RGS10: variants seen among roughly 807,000 people sequenced by gnomAD.
RGS10 encodes the protein regulator of G-protein signalling 10.
A neutral mutation model predicts 23.5 loss-of-function variants in RGS10; 11 were observed. That is an observed-to-expected ratio of 0.47 (90% CI 0.29 to 0.77). RGS10 has a LOEUF of 0.77. Among genes scored for constraint, RGS10 ranks in the 30% least tolerant of loss-of-function variants. The pLI, the probability that RGS10 is intolerant of heterozygous loss-of-function variation, is 0.08. For missense variants in RGS10, 180 were observed against 226.3 expected (o/e 0.80, Z 1.31); for synonymous variants, 77 against 83.2 (o/e 0.92, Z 0.41).
At chr10:119,528,996 A>C (rs1305376371) in intron 1 of RGS10, among the ~76,000 whole-genome samples, 1 of 152,208 alleles carries the variant, frequency 6.6e-6, no homozygotes, top group African/African-American at 2.4e-5. Flanking sequence ...CACGACACTG[A>C]GAAGTCTCCT....
At chr10:119,501,958 C>T (rs1168214833) in intron 4 of RGS10, among the ~76,000 whole-genome samples, 5 of 151,996 alleles carry the variant, frequency 3.3e-5, no homozygotes, top group African/African-American at 1.2e-4. Flanking sequence ...TTTCTTTAAA[C>T]TGTTAAACTA....
In RGS10 at chr10:119,527,002, G is replaced by A. The variant is rs1011953342; in HGVS notation, c.168+304C>T. ...TTCACGTCAGAGAGACCCAGAGCTG[G>A]GAATTCCTCATACAGACTCCACCAA... On this transcript the variant is annotated intron_variant, in intron 2 of 4. Coordinates refer to ENST00000369103, the MANE Select transcript of RGS10 (RefSeq NM_001005339.2). This position sits in a 1 kb window ranked among gnomAD's most constrained non-coding sequence, Gnocchi z 4.2. 2.6e-5 allele frequency among the ~76,000 whole-genome samples: 4 copies of A among 151,880 alleles called. No individual in the cohort carries two copies. Among genetic ancestry groups the A allele is most frequent in the Admixed American group, 6.6e-5 (1 of 15,230 alleles).
chr10:119,510,114 C>T (rs988232780), intron 4 of RGS10, among the ~76,000 whole-genome samples: 3 of 152,134 alleles, frequency 2.0e-5, no homozygotes, highest in African/African-American at 4.8e-5. Context: ...TGGTATGGGA[C>T]GGGCACAGCC....
chr10:119,520,840 G>C lies in RGS10; in HGVS notation c.256-5188C>G, dbSNP rs1186800670. 2.0e-5 allele frequency among the ~76,000 whole-genome samples: 3 copies of C among 146,656 alleles called. No homozygotes were observed. In the East Asian group the frequency reaches 5.9e-4, roughly 29 times the overall value. On this transcript the variant is annotated intron_variant, in intron 3 of 4. Coordinates refer to ENST00000369103, the MANE Select transcript of RGS10 (RefSeq NM_001005339.2). ...AAAAAAAAAAATTAAAAAATAGGAA[G>C]AATAAAACATGAAATTAAGGGCTCA...
chr10:119,540,481 G>A (rs745594351), intron 1 of RGS10, among the ~76,000 whole-genome samples: 10 of 152,238 alleles, frequency 6.6e-5, no homozygotes, highest in Non-Finnish European at 1.0e-4. Flanking sequence ...GGAACTCCTG[G>A]GCTCAAGCAA....
intron 4 of RGS10, among the ~76,000 whole-genome samples, chr10:119,506,724 C>T (rs1244358292): frequency 6.6e-6 from 1 of 152,130 alleles, no homozygotes; most frequent in Admixed American, 6.5e-5. Flanking sequence ...TTTTTTGAGA[C>T]GGAGTCTCAC....
At chr10:119,520,753 A>T (rs1300222441) in intron 3 of RGS10, among the ~76,000 whole-genome samples, 3 of 152,036 alleles carry the variant, frequency 2.0e-5, no homozygotes, top group African/African-American at 7.2e-5. Context: ...GGAAAAATAA[A>T]AAAGCAGAAA....
intron 1 of RGS10, among the ~76,000 whole-genome samples, chr10:119,536,094 A>G (rs563948524): frequency 6.6e-6 from 1 of 152,360 alleles, no homozygotes; most frequent in Admixed American, 6.5e-5. Flanking sequence ...CGGCTCCAGT[A>G]TCTAGCTGCT....
At chr10:119,540,212 G>C (rs1844423935) in intron 1 of RGS10, among the ~76,000 whole-genome samples, 1 of 152,102 alleles carries the variant, frequency 6.6e-6, no homozygotes, top group African/African-American at 2.4e-5. Flanking sequence ...TTTAGTGGCT[G>C]ATCTTCCTTC....
chr10:119,535,813 T>A (rs1186873912), intron 1 of RGS10, among the ~76,000 whole-genome samples: 1 of 152,204 alleles, frequency 6.6e-6, no homozygotes, highest in Non-Finnish European at 1.5e-5. Context: ...CCAAAGTGGT[T>A]TGGTACAACT....
intron 3 of RGS10, among the ~76,000 whole-genome samples, chr10:119,523,439 C>T (rs369287043): frequency 9.2e-5 from 14 of 152,280 alleles, no homozygotes; most frequent in Middle Eastern, 3.4e-3. Flanking sequence ...CCAAGACAGG[C>T]GGATCACTTG....
In RGS10 at chr10:119,527,381, G is replaced by GCTCT. The variant is rs1298914391; in HGVS notation, c.89_92dup (p.Ser31ArgfsTer27). 6.2e-7 allele frequency: 1 copy of GCTCT among 1,614,200 alleles called. No individual in the cohort carries two copies. Among genetic ancestry groups the GCTCT allele is most frequent in the South Asian group, 1.1e-5 (1 of 91,088 alleles). On this transcript the variant is annotated frameshift_variant, in exon 2 of 5. Transcript: ENST00000369103. LOFTEE classifies it high-confidence loss of function. The surrounding 1 kb of genome is among the most constrained non-coding windows in gnomAD (Gnocchi z 4.2). ...CCGCCCATTTGGCTGTGCTCTTGAG[G>GCTCT]CTCTGGTGGCTGCTGCTGGAACTGC... is the stretch of plus-strand genomic sequence containing the variant.
chr10:119,540,762 C>T (rs188744068), intron 1 of RGS10, among the ~76,000 whole-genome samples: 2 of 152,128 alleles, frequency 1.3e-5, no homozygotes, highest in Non-Finnish European at 2.9e-5. Flanking sequence ...TAATAAGTAA[C>T]GCGTACAGGG....
intron 4 of RGS10, among the ~76,000 whole-genome samples, chr10:119,505,497 G>C (rs1844000801): frequency 6.6e-6 from 1 of 151,908 alleles, no homozygotes; most frequent in East Asian, 1.9e-4. Context: ...AAAATGAGGA[G>C]GGAGGCTTCC....
At chr10:119,503,005 C>A (rs550760769) in intron 4 of RGS10, among the ~76,000 whole-genome samples, 1 of 152,152 alleles carries the variant, frequency 6.6e-6, no homozygotes, top group East Asian at 1.9e-4. Context: ...GGCCAACGAC[C>A]CCCTGGGCCT....
At chr10:119,519,326 CT>C (rs1844182804) in intron 3 of RGS10, among the ~76,000 whole-genome samples, 1 of 147,798 alleles carries the variant, frequency 6.8e-6, no homozygotes, top group African/African-American at 2.6e-5. Context: ...TCCTGTCTCC[CT>C]GTCTGTCCCC....
chr10:119,519,875 C>T (rs1844193678), intron 3 of RGS10, among the ~76,000 whole-genome samples: 1 of 152,220 alleles, frequency 6.6e-6, no homozygotes, highest in African/African-American at 2.4e-5. Flanking sequence ...CCATGTCCCC[C>T]CCAGATTTCA....
At chr10:119,540,080 G>A (rs892924925) in intron 1 of RGS10, among the ~76,000 whole-genome samples, 3 of 152,114 alleles carry the variant, frequency 2.0e-5, no homozygotes, top group African/African-American at 7.2e-5. Flanking sequence ...ACACGGCTGG[G>A]TGGTGATGAC....
intron 2 of RGS10, 62 bp from the exon 3 acceptor site, chr10:119,526,180 G>T: frequency 3.3e-6 from 3 of 900,626 alleles, no homozygotes; most frequent in South Asian, 2.0e-5. Context: ...TAAAACAAAT[G>T]GCATTTCCCT....
Sources: allele counts gnomAD v4.1 joint callset (sites outside exome capture counted in the v4.1 genomes callset), GRCh38; gene constraint gnomAD v4.1.1; non-coding constraint Gnocchi (gnomAD v3.1); transcripts MANE v1.5; gene names NCBI Gene and HGNC (gene_info 2026-07-23, HGNC 2026-07-21).